The following EDIL3 variants were observed in gnomAD, a reference collection of about 807,000 sequenced individuals.
The protein encoded by EDIL3 is EGF-like repeat and discoidin I-like domain-containing protein 3.
A neutral mutation model predicts 67.4 loss-of-function variants in EDIL3; 37 were observed. That is an observed-to-expected ratio of 0.55 (90% CI 0.42 to 0.72). The LOEUF is 0.72. Ranked by LOEUF, EDIL3 falls within the 30% of genes least tolerant of loss-of-function variation. EDIL3 has a pLI of 0.00. For missense variants in EDIL3, 527 were observed against 586.3 expected, an observed-to-expected ratio of 0.90 and a Z score of 1.04; for synonymous variants, 195 against 196.3, an observed-to-expected ratio of 0.99 and a Z score of 0.05.
intron 1 of EDIL3, among the ~76,000 whole-genome samples, chr5:84,267,099 T>A (rs978014623): frequency 2.6e-5 from 4 of 152,200 alleles, no homozygotes; most frequent in Non-Finnish European, 5.9e-5. Context: ...ACAAACAACA[T>A]GGCTTCAGAA....
chr5:84,080,601 TA>T (rs895046830), intron 6 of EDIL3, among the ~76,000 whole-genome samples: 2 of 138,378 alleles, frequency 1.4e-5, no homozygotes, highest in Non-Finnish European at 3.1e-5. Context: ...ACACAATTGA[TA>T]AAATGTGACT....
rs143580405 is a variant in EDIL3, at chr5:84,131,896, T to C, written c.469+5345A>G. On this transcript the variant is annotated intron_variant, in intron 5 of 10. Coordinates refer to ENST00000296591, the MANE Select transcript of EDIL3 (RefSeq NM_005711.5). ...CAGCAATTTTCAGTGAACAAGTATG[T>C]ACTTAAACAAATATACTTGGTAGTA... 9.9e-3 allele frequency among the ~76,000 whole-genome samples: 1,502 copies of C among 152,174 alleles called. 26 individuals carry two copies. The highest frequency in any genetic ancestry group is 0.035 in the African/African-American group (1,448 of 41,518).
At chr5:84,219,047 T>C (rs1319724825) in intron 3 of EDIL3, among the ~76,000 whole-genome samples, 1 of 152,090 alleles carries the variant, frequency 6.6e-6, no homozygotes, top group Non-Finnish European at 1.5e-5. Context: ...GGGCCTTGAG[T>C]GAGATCCAGT....
chr5:84,192,593 C>T (rs1743615957), intron 3 of EDIL3, among the ~76,000 whole-genome samples: 1 of 151,884 alleles, frequency 6.6e-6, no homozygotes, highest in African/African-American at 2.4e-5. Flanking sequence ...TTTTCTATTA[C>T]CATGTTACAT....
chr5:84,082,561 T>G (rs1441715119), intron 6 of EDIL3, among the ~76,000 whole-genome samples: 1 of 152,190 alleles, frequency 6.6e-6, no homozygotes, highest in Non-Finnish European at 1.5e-5. Flanking sequence ...CAACTTAGCA[T>G]TCTACATTCT....
At position 84,286,448 on chromosome 5, in the gene EDIL3, C is replaced by T. The variant is rs546049058; in HGVS notation, c.68-32236G>A. 1.2e-4 allele frequency among the ~76,000 whole-genome samples: 18 copies of T among 152,258 alleles called. No homozygotes were observed. The South Asian group carries it at 3.7e-3, about 32-fold the overall frequency. On this transcript the variant is annotated intron_variant, in intron 1 of 10. Transcript: ENST00000296591. ...TCAGCAATAAATCTTGCAGTACAGG[C>T]TGATATGCAGTGCTTAAGGTCTTAT...
chr5:84,382,375 C>G (rs1011328950), intron 1 of EDIL3, among the ~76,000 whole-genome samples: 1 of 152,148 alleles, frequency 6.6e-6, no homozygotes, highest in African/African-American at 2.4e-5. Flanking sequence ...CGGGACTTGC[C>G]GCGCCCCGGG....
chr5:83,977,660 T>C (rs1402701326), intron 9 of EDIL3, among the ~76,000 whole-genome samples: 2 of 151,832 alleles, frequency 1.3e-5, no homozygotes, highest in Non-Finnish European at 3.0e-5. Flanking sequence ...TTTGGTAATG[T>C]TTCTTTTACT....
intron 5 of EDIL3, among the ~76,000 whole-genome samples, chr5:84,117,034 T>TTA (rs1371577725): frequency 3.7e-4 from 52 of 138,868 alleles, no homozygotes; most frequent in African/African-American, 7.8e-4. Context: ...TTTTTTTTTT[T>TTA]TTTTTTTTTT....
chr5:84,275,200 G>A lies in EDIL3; in HGVS notation c.68-20988C>T, dbSNP rs531985285. Among the ~76,000 whole-genome samples the A allele has an allele frequency of 2.1e-3, 323 of 152,204 alleles. 2 individuals carry two copies. Among genetic ancestry groups the A allele is most frequent in the African/African-American group, 7.3e-3 (303 of 41,534 alleles). On this transcript the variant is annotated intron_variant, in intron 1 of 10. Coordinates refer to ENST00000296591, the MANE Select transcript of EDIL3 (RefSeq NM_005711.5). ...CTCCATAGTTATTCTTCTGTTAAGC[G>A]TGGAAAAAACTGTGGCTCTAGTGCT...
intron 2 of EDIL3, among the ~76,000 whole-genome samples, chr5:84,232,537 T>C (rs1253769257): frequency 6.6e-6 from 1 of 152,128 alleles, no homozygotes; most frequent in Admixed American, 6.5e-5. Context: ...ATCAGAACCT[T>C]TGAAAAAGCA....
intron 9 of EDIL3, among the ~76,000 whole-genome samples, chr5:83,975,090 A>G (rs1744856896): frequency 6.6e-6 from 1 of 152,042 alleles, no homozygotes; most frequent in African/African-American, 2.4e-5. Context: ...AAAAACATAT[A>G]TGGCTATAGT....
chr5:83,980,323 G>A (rs908412890), intron 9 of EDIL3, among the ~76,000 whole-genome samples: 1 of 151,826 alleles, frequency 6.6e-6, no homozygotes, highest in Non-Finnish European at 1.5e-5. Flanking sequence ...CTATAAAACG[G>A]CAACAGAAGC....
At position 84,156,577 on chromosome 5, in the gene EDIL3, T is replaced by C. The variant is rs3756593; in HGVS notation, c.356-19223A>G. ...CTGTCACTTCAATGTGGTTTGAGAA[T>C]AAGGGGATGCTAAATATGTATGCTC... is the stretch of plus-strand genomic sequence containing the variant. On this transcript the variant is annotated intron_variant, in intron 4 of 10. Transcript: ENST00000296591. 2.0e-5 allele frequency among the ~76,000 whole-genome samples: 3 copies of C among 152,220 alleles called. No individual in the cohort carries two copies. In the East Asian group the frequency reaches 5.8e-4, roughly 29 times the overall value.
At chr5:84,099,908 G>A (rs1747331371) in intron 6 of EDIL3, among the ~76,000 whole-genome samples, 1 of 151,774 alleles carries the variant, frequency 6.6e-6, no homozygotes, top group South Asian at 2.1e-4. Context: ...TCAAAAAGTG[G>A]TCAAAGGGAT....
At chr5:84,194,520 A>C (rs1388674121) in intron 3 of EDIL3, among the ~76,000 whole-genome samples, 1 of 151,944 alleles carries the variant, frequency 6.6e-6, no homozygotes, top group South Asian at 2.1e-4. Context: ...AGACATGAAA[A>C]TGTAGACTCA....
At chr5:84,315,595 A>T (rs1469389185) in intron 1 of EDIL3, among the ~76,000 whole-genome samples, 2 of 152,186 alleles carry the variant, frequency 1.3e-5, no homozygotes, top group Non-Finnish European at 2.9e-5. Flanking sequence ...TTTTTTAAAA[A>T]GTTGCCTGCA....
Position 84,384,256 on chromosome 5 carries a change from A to T in EDIL3, c.67+52T>A, listed in dbSNP as rs546038095. 33 of 1,580,534 alleles carry T rather than the reference A, an allele frequency of 2.1e-5. No homozygotes were observed. The South Asian group carries it at 3.5e-4, about 17-fold the overall frequency. On this transcript the variant is annotated intron_variant, in intron 1 of 10. Transcript: ENST00000296591. ...TCCGGCCCCCTGCGCGGCGTTTCTC[A>T]GGGGACTCCCAGCCCATCCCTCACC...
intron 1 of EDIL3, among the ~76,000 whole-genome samples, chr5:84,342,876 C>A (rs1747153758): frequency 6.6e-6 from 1 of 152,026 alleles, no homozygotes. Context: ...AAGTTAGATG[C>A]TGACTTAAAA....
Sources: gnomAD v4.1 joint callset for allele counts (sites outside exome capture counted in the v4.1 genomes callset) on GRCh38, gnomAD v4.1.1 for gene constraint, MANE v1.5 for transcripts, NCBI Gene and HGNC (gene_info 2026-07-23, HGNC 2026-07-21) for gene names.